Variants in KICS2 observed in about 807,000 individuals in gnomAD.
KICS2 encodes the protein KICSTOR complex protein C12orf66.
In KICS2, 13 loss-of-function variants were observed where a neutral mutation model predicts 31.4. That is an observed-to-expected ratio of 0.41 (90% CI 0.27 to 0.66). The LOEUF is 0.66. Among genes scored for constraint, KICS2 ranks in the 30% least tolerant of loss-of-function variants. KICS2 has a pLI of 0.28. For synonymous variants in KICS2, 209 were observed against 214.8 expected (o/e 0.97, Z 0.24); for missense variants, 455 against 545.4 (o/e 0.83, Z 1.65).
intron 1 of KICS2, among the ~76,000 whole-genome samples, chr12:64,219,064 T>C (rs1469467937): frequency 6.6e-6 from 1 of 152,214 alleles, no homozygotes; most frequent in East Asian, 1.9e-4. Context: ...TTGAATGATT[T>C]TTAGAAGGCT....
Position 64,194,522 on chromosome 12 carries a change from G to A in KICS2, c.658C>T (p.His220Tyr). 6.2e-7 allele frequency: 1 copy of A among 1,614,144 alleles called. No individual in the cohort carries two copies. Among genetic ancestry groups the A allele is most frequent in the Non-Finnish European group, 8.5e-7 (1 of 1,180,024 alleles). ...TGGCCCCACGTCTGCAGTTTGGTGT[G>A]CGCACTGTGTAAATTAACCAGAGAT... is the stretch of plus-strand genomic sequence containing the variant. ...LPSLVNLHSA[H>Y]TKLQTWGQIF... The change falls in exon 3 of 3, where the codon CAC (histidine) becomes TAC (tyrosine). Residue 220 changes from histidine to tyrosine, a missense_variant. Coordinates refer to ENST00000398055, the MANE Select transcript of KICS2 (RefSeq NM_152440.5).
chr12:64,192,953 T>C lies in KICS2; in HGVS notation c.*889A>G. Reference sequence around the variant, plus strand: ...TTGATTTTATAAAAGTAGGCTATGTTGCATGAGTATCTAAAAGTGGCTGAA... The same window carrying C: ...TTGATTTTATAAAAGTAGGCTATGTCGCATGAGTATCTAAAAGTGGCTGAA... On this transcript the variant is annotated 3_prime_UTR_variant, in exon 3 of 3. Coordinates refer to ENST00000398055, the MANE Select transcript of KICS2 (RefSeq NM_152440.5). The C allele has an allele frequency of 2.0e-6, 2 of 985,346 alleles. No homozygotes were observed. The highest frequency in any genetic ancestry group is 2.3e-4 in the East Asian group (2 of 8,834). The allele number at this position is 985,346 out of a possible 1,614,324, so 61.0% of individuals were successfully genotyped here. A position where few individuals can be genotyped will look rare whatever the true frequency, so the allele number is the denominator to read the frequency against.
intron 2 of KICS2, among the ~76,000 whole-genome samples, chr12:64,203,413 G>A (rs981496856): frequency 2.6e-5 from 4 of 152,162 alleles, no homozygotes; most frequent in African/African-American, 4.8e-5. Context: ...TACATCAAGC[G>A]CTTACACTCT....
At chr12:64,204,251 T>C (rs1282529018) in intron 2 of KICS2, among the ~76,000 whole-genome samples, 1 of 152,148 alleles carries the variant, frequency 6.6e-6, no homozygotes, top group Non-Finnish European at 1.5e-5. Flanking sequence ...AAAGAGTTAA[T>C]GCATGCTGGG....
At chr12:64,213,655 A>G (rs1420390649) in intron 2 of KICS2, among the ~76,000 whole-genome samples, 1 of 152,228 alleles carries the variant, frequency 6.6e-6, no homozygotes, top group African/African-American at 2.4e-5. Context: ...ATAAAACTGT[A>G]TGAGTCTACT....
Position 64,194,626 on chromosome 12 carries a change from C to G in KICS2, c.554G>C (p.Ser185Thr). 23 of 1,613,804 alleles carry G rather than the reference C, an allele frequency of 1.4e-5. No homozygotes were observed. The highest frequency in any genetic ancestry group is 1.9e-5 in the Non-Finnish European group (23 of 1,179,824). The change falls in exon 3 of 3, where the codon AGC becomes ACC. Residue 185 changes from serine to threonine, a missense_variant. Physicochemically the swap from Ser to Thr is moderately conservative, Grantham distance 58. Coordinates refer to ENST00000398055, the MANE Select transcript of KICS2 (RefSeq NM_152440.5). The stretch of plus-strand genomic sequence containing the variant: ...GACGTCAACTTCCAGCTGGAAACTG[C>G]TTTCCAAAGGACTGAGGATTGGGTG... The part of the protein sequence containing the change: ...FHHPILSPLE[S>T]SFQLEVDVLC...
rs1044598248 is a variant in KICS2 at position 64,194,158 on chromosome 12, T to C, written c.1022A>G (p.Lys341Arg). The C allele has an allele frequency of 8.7e-6, 14 of 1,614,004 alleles. No homozygotes were observed. In the East Asian group the frequency reaches 8.9e-5, roughly 10 times the overall value. ...TACAGCTGGATACTGGTCCACACCCTTGGGGGCCTCTCTGTAGGAATGGGG... is the reference window on the plus strand; with the variant it reads ...TACAGCTGGATACTGGTCCACACCCCTGGGGGCCTCTCTGTAGGAATGGGG... ...HHPHSYREAP[K>R]GVDQYPAVVS... Residue 341 changes from lysine to arginine, a missense_variant, in exon 3 of 3, where the codon AAG becomes AGG. Transcript: ENST00000398055.
chr12:64,195,751 G>A (rs1018892143), intron 2 of KICS2, among the ~76,000 whole-genome samples: 5 of 152,260 alleles, frequency 3.3e-5, no homozygotes, highest in African/African-American at 1.2e-4. Context: ...CACGCACCGT[G>A]CGCGAGCCGA....
chr12:64,205,060 G>A (rs1367143852), intron 2 of KICS2, among the ~76,000 whole-genome samples: 1 of 152,040 alleles, frequency 6.6e-6, no homozygotes, highest in Non-Finnish European at 1.5e-5. Context: ...ATGGCTATTA[G>A]GAAAATTTGC....
At chr12:64,196,347 C>T (rs1464195656) in intron 2 of KICS2, among the ~76,000 whole-genome samples, 1 of 151,754 alleles carries the variant, frequency 6.6e-6, no homozygotes, top group African/African-American at 2.4e-5. Flanking sequence ...CAGACTGACA[C>T]CTCACACGGC....
Position 64,209,280 on chromosome 12 carries a change from T to C in KICS2, c.521+6398A>G, listed in dbSNP as rs116717049. On this transcript the variant is annotated intron_variant, in intron 2 of 2. Coordinates refer to ENST00000398055, the MANE Select transcript of KICS2 (RefSeq NM_152440.5). ...TGTGATTCCTAAACAAGAACTTATA[T>C]ATGCTTAATAATGTTATAAACTGGC... is the stretch of plus-strand genomic sequence containing the variant. Among the ~76,000 whole-genome samples, 1,123 of 152,204 alleles carry C rather than the reference T, an allele frequency of 7.4e-3. 16 individuals are homozygous for C. Among genetic ancestry groups the C allele is most frequent in the African/African-American group, 0.025 (1,045 of 41,536 alleles).
intron 2 of KICS2, among the ~76,000 whole-genome samples, chr12:64,204,193 C>G (rs2037516662): frequency 6.6e-6 from 1 of 152,104 alleles, no homozygotes; most frequent in Non-Finnish European, 1.5e-5. Context: ...ACAACACACA[C>G]TAGTGCCTGT....
intron 2 of KICS2, 30 bp from the exon 3 acceptor site, chr12:64,194,688 G>A: frequency 6.4e-7 from 1 of 1,561,498 alleles, no homozygotes; most frequent in Non-Finnish European, 8.7e-7. Context: ...AGAGATAAGT[G>A]GAAATGTTAC....
chr12:64,214,311 C>G (rs1437882779), intron 2 of KICS2, among the ~76,000 whole-genome samples: 1 of 152,134 alleles, frequency 6.6e-6, no homozygotes, highest in Non-Finnish European at 1.5e-5. Context: ...AGAAAAAACA[C>G]CCTAAACAAA....
In KICS2 at chr12:64,192,100, T is replaced by C. The variant is rs1417164345; in HGVS notation, c.*1742A>G. 3 of 118,842 alleles carry C rather than the reference T, an allele frequency of 2.5e-5. No homozygotes were observed. Among genetic ancestry groups the C allele is most frequent in the Admixed American group, 1.7e-4 (2 of 11,992 alleles). The allele number at this position is 118,842 out of a possible 1,614,324, so 7.4% of individuals were successfully genotyped here. The stretch of plus-strand genomic sequence containing the variant: ...CATGTTCTTCCCAGAAAATAAAAAA[T>C]AGGCCAGTAGATTCTTGGTTCTTCT... On this transcript the variant is annotated 3_prime_UTR_variant, in exon 3 of 3. Coordinates refer to ENST00000398055, the MANE Select transcript of KICS2 (RefSeq NM_152440.5).
chr12:64,208,102 C>T (rs1284943166), intron 2 of KICS2, among the ~76,000 whole-genome samples: 5 of 152,268 alleles, frequency 3.3e-5, no homozygotes, highest in Admixed American at 2.0e-4. Context: ...CTCCACCTCC[C>T]GGGCTCAGGT....
In KICS2 at chr12:64,216,145, T is replaced by TAA. The variant is rs1406055819; in HGVS notation, c.236-183_236-182insTT. On this transcript the variant is annotated intron_variant, in intron 1 of 2. Transcript: ENST00000398055. ...TATGATAATCATAAATACTTTATGA[T>TAA]TATCATAAATACTTTATGATAATCA... Among the ~76,000 whole-genome samples the TAA allele has an allele frequency of 2.0e-3, 295 of 147,898 alleles. 1 individual carries two copies. The highest frequency in any genetic ancestry group is 4.5e-3 in the African/African-American group (174 of 38,570).
rs1477621512 is a variant in KICS2 at position 64,193,251 on chromosome 12, C to T, written c.*591G>A. The T allele has an allele frequency of 3.0e-6, 3 of 985,734 alleles. No individual in the cohort carries two copies. Among genetic ancestry groups the T allele is most frequent in the African/African-American group, 1.7e-5 (1 of 57,222 alleles). The allele number at this position is 985,734 out of a possible 1,614,324, so 61.1% of individuals were successfully genotyped here. A position where few individuals can be genotyped will look rare whatever the true frequency, so the allele number is the denominator to read the frequency against. ...GATCTTCTGAACTGTTAAAACCTTA[C>T]GTCATGCTACCAATCTGACTCACTT... On this transcript the variant is annotated 3_prime_UTR_variant, in exon 3 of 3. Coordinates refer to ENST00000398055, the MANE Select transcript of KICS2 (RefSeq NM_152440.5).
intron 2 of KICS2, among the ~76,000 whole-genome samples, chr12:64,213,988 C>T (rs1187505474): frequency 6.6e-6 from 1 of 152,216 alleles, no homozygotes. Context: ...GGCCCTCCTT[C>T]TGCCTATTAG....
Sources: allele counts gnomAD v4.1 joint callset (sites outside exome capture counted in the v4.1 genomes callset), GRCh38; gene constraint gnomAD v4.1.1; transcripts MANE v1.5; gene names NCBI Gene and HGNC (gene_info 2026-07-23, HGNC 2026-07-21).